The following GRIA4 variants were observed in gnomAD, a reference collection of about 807,000 sequenced individuals.
The protein encoded by GRIA4 is glutamate ionotropic receptor AMPA type subunit 4.
Under a neutral mutation model 104.0 loss-of-function variants are expected in GRIA4, and 34 were observed. The ratio of observed to expected loss-of-function variants is 0.33; its 90% CI spans 0.25 to 0.44. The LOEUF is 0.44. GRIA4 is among the 20% of genes least tolerant of loss of function. The probability of loss-of-function intolerance (pLI) is 1.00; values close to 1 mark genes in which losing one functional copy is unlikely to be tolerated. For missense variants in GRIA4, 750 were observed against 1,096.5 expected, an observed-to-expected ratio of 0.68 and a Z score of 4.46; for synonymous variants, 386 against 381.9, an observed-to-expected ratio of 1.01 and a Z score of -0.13.
At chr11:105,926,706 G>T in intron 12 of GRIA4, 35 bp from the exon 13 acceptor site, 1 of 1,339,640 alleles carries the variant, frequency 7.5e-7, no homozygotes, top group Non-Finnish European at 1.1e-6. Flanking sequence ...GTTGGTTAAA[G>T]AAAGGAAAAT....
rs73632929 is a variant in GRIA4, at chr11:105,626,608, G to A, written c.247+14174G>A. Among the ~76,000 whole-genome samples the A allele has an allele frequency of 5.3e-3, 805 of 152,116 alleles. 13 individuals carry two copies. Among genetic ancestry groups the A allele is most frequent in the African/African-American group, 0.019 (777 of 41,496 alleles). On this transcript the variant is annotated intron_variant, in intron 3 of 16. Coordinates refer to ENST00000282499, the MANE Select transcript of GRIA4 (RefSeq NM_000829.4). ...TGAATGTAGGAAAACCTCTAAACAC[G>A]AACATTTCATTAAAGCATTACCTAG...
At chr11:105,746,572 C>A (rs1202868776) in intron 3 of GRIA4, among the ~76,000 whole-genome samples, 1 of 151,756 alleles carries the variant, frequency 6.6e-6, no homozygotes, top group African/African-American at 2.4e-5. Flanking sequence ...AAGGGTTATG[C>A]CAAACACAAA....
chr11:105,908,803 T>TAATAAAG (rs1319284568), intron 9 of GRIA4, among the ~76,000 whole-genome samples: 1 of 152,058 alleles, frequency 6.6e-6, no homozygotes, highest in African/African-American at 2.4e-5. Flanking sequence ...TGGAACTCAT[T>TAATAAAG]AATAAAGAAA....
chr11:105,967,515 GCTT>G lies in GRIA4; in HGVS notation c.2295-4392_2295-4390del, dbSNP rs1310101315. Among the ~76,000 whole-genome samples, 4 of 152,190 alleles carry G rather than the reference GCTT, an allele frequency of 2.6e-5. No homozygotes were observed. The South Asian group carries it at 8.3e-4, about 32-fold the overall frequency. On this transcript the variant is annotated intron_variant, in intron 14 of 16. Transcript: ENST00000282499. ...ACCCTGTAGTTTCCAAAGCCGAATTGCTTCTTCTTATAGTTATGCAGTGACATT... is the reference window on the plus strand; with the variant it reads ...ACCCTGTAGTTTCCAAAGCCGAATTGCTTCTTATAGTTATGCAGTGACATT...
At chr11:105,644,569 A>C (rs1951470889) in intron 3 of GRIA4, among the ~76,000 whole-genome samples, 1 of 152,148 alleles carries the variant, frequency 6.6e-6, no homozygotes, top group South Asian at 2.1e-4. Flanking sequence ...GTGCAATCGC[A>C]CTCCATCCTG....
chr11:105,740,520 A>C (rs1939239828), intron 3 of GRIA4, among the ~76,000 whole-genome samples: 1 of 152,248 alleles, frequency 6.6e-6, no homozygotes, highest in Admixed American at 6.5e-5. Context: ...TCAGTGAAAA[A>C]CAATCCAGTT....
intron 3 of GRIA4, among the ~76,000 whole-genome samples, chr11:105,730,655 G>T (rs1318891994): frequency 6.6e-6 from 1 of 152,134 alleles, no homozygotes; most frequent in East Asian, 1.9e-4. Context: ...AACCAAAACA[G>T]CATGGTACAG....
At chr11:105,696,870 T>C (rs1953297672) in intron 3 of GRIA4, among the ~76,000 whole-genome samples, 1 of 152,092 alleles carries the variant, frequency 6.6e-6, no homozygotes, top group Non-Finnish European at 1.5e-5. Flanking sequence ...GTTCAAGCAA[T>C]TCTTCTGCCT....
chr11:105,648,233 AACTAATT>A (rs1951586033), intron 3 of GRIA4, among the ~76,000 whole-genome samples: 1 of 151,580 alleles, frequency 6.6e-6, no homozygotes, highest in Non-Finnish European at 1.5e-5. Flanking sequence ...TTTTTAAGGT[AACTAATT>A]TATATTTTTT....
chr11:105,806,195 T>C (rs1364798927), intron 4 of GRIA4, among the ~76,000 whole-genome samples: 1 of 151,650 alleles, frequency 6.6e-6, no homozygotes, highest in Non-Finnish European at 1.5e-5. Context: ...AAAATGACAA[T>C]AAAAAAGAAA....
intron 14 of GRIA4, among the ~76,000 whole-genome samples, chr11:105,955,487 T>C (rs951824932): frequency 9.2e-5 from 14 of 152,266 alleles, no homozygotes; most frequent in Admixed American, 7.2e-4. Flanking sequence ...TATTCTGTGG[T>C]ATATATGTAC....
At chr11:105,976,211 CT>C (rs1858973054) in intron 16 of GRIA4, among the ~76,000 whole-genome samples, 1 of 151,982 alleles carries the variant, frequency 6.6e-6, no homozygotes, top group African/African-American at 2.4e-5. Context: ...ACTGACTTTT[CT>C]TTGGCATAAC....
chr11:105,780,081 C>G (rs1941658683), intron 4 of GRIA4, among the ~76,000 whole-genome samples: 2 of 152,240 alleles, frequency 1.3e-5, no homozygotes, highest in African/African-American at 2.4e-5. Flanking sequence ...TGACTATCTG[C>G]TACAGTGGTC....
At chr11:105,625,924 G>T (rs947421732) in intron 3 of GRIA4, among the ~76,000 whole-genome samples, 2 of 151,944 alleles carry the variant, frequency 1.3e-5, no homozygotes, top group East Asian at 3.9e-4. Flanking sequence ...CATCTAGACC[G>T]TCCTCAATCT....
At chr11:105,873,184 C>T (rs1945681694) in intron 5 of GRIA4, among the ~76,000 whole-genome samples, 1 of 152,096 alleles carries the variant, frequency 6.6e-6, no homozygotes, top group African/African-American at 2.4e-5. Flanking sequence ...GTTTGGTTTT[C>T]TGTTCCTGTG....
chr11:105,762,173 G>A (rs995026526), intron 4 of GRIA4, among the ~76,000 whole-genome samples: 4 of 152,106 alleles, frequency 2.6e-5, no homozygotes, highest in Admixed American at 1.3e-4. Context: ...ACAGGCAACC[G>A]CCATGATGCC....
At chr11:105,716,921 T>G (rs1954111719) in intron 3 of GRIA4, among the ~76,000 whole-genome samples, 1 of 152,138 alleles carries the variant, frequency 6.6e-6, no homozygotes. Flanking sequence ...TTTTACAACT[T>G]GATAGGCAGT....
chr11:105,709,142 T>C (rs1008508421), intron 3 of GRIA4, among the ~76,000 whole-genome samples: 8 of 152,074 alleles, frequency 5.3e-5, no homozygotes, highest in African/African-American at 1.9e-4. Flanking sequence ...GGGAAAAGCA[T>C]ATGGAAAGGA....
chr11:105,814,342 C>T (rs1285012125), intron 4 of GRIA4, among the ~76,000 whole-genome samples: 2 of 152,080 alleles, frequency 1.3e-5, no homozygotes, highest in Non-Finnish European at 2.9e-5. Context: ...TGTAATGGTA[C>T]CTCTGCTACA....
Sources: gnomAD v4.1 joint callset for allele counts (sites outside exome capture counted in the v4.1 genomes callset) on GRCh38, gnomAD v4.1.1 for gene constraint, MANE v1.5 for transcripts, NCBI Gene and HGNC (gene_info 2026-07-23, HGNC 2026-07-21) for gene names.